SLF1: variants seen among roughly 807,000 people sequenced by gnomAD.
The protein encoded by SLF1 is SMC5-SMC6 complex localization factor protein 1.
Under a neutral mutation model 123.0 loss-of-function variants are expected in SLF1, and 105 were observed. The observed-to-expected ratio is 0.85, with a 90% confidence interval of 0.73 to 1.00. The LOEUF (loss-of-function observed/expected upper bound fraction) is 1.00, where lower values mean the gene tolerates loss of function less well. Ranked by LOEUF, SLF1 falls within the 50% of genes least tolerant of loss-of-function variation. The pLI is 0.00. For synonymous variants in SLF1, 434 were observed against 406.6 expected, an observed-to-expected ratio of 1.07 and a Z score of -0.81; for missense variants, 1,239 against 1,223.0, an observed-to-expected ratio of 1.01 and a Z score of -0.20.
intron 8 of SLF1, among the ~76,000 whole-genome samples, chr5:94,654,406 A>G (rs1748130895): frequency 6.6e-6 from 1 of 151,862 alleles, no homozygotes; most frequent in African/African-American, 2.4e-5. Flanking sequence ...AAAAAAAAAA[A>G]AAAGAAAGTA....
intron 20 of SLF1, among the ~76,000 whole-genome samples, chr5:94,693,035 A>G (rs780790047): frequency 1.8e-4 from 27 of 152,172 alleles, no homozygotes; most frequent in Non-Finnish European, 3.7e-4. Context: ...TGTAGAAATT[A>G]CTTGTCGTTT....
At chr5:94,680,784 C>G (rs1751670916) in intron 15 of SLF1, among the ~76,000 whole-genome samples, 2 of 152,306 alleles carry the variant, frequency 1.3e-5, no homozygotes, top group East Asian at 1.9e-4. Context: ...TTTCCCTTCG[C>G]TTTAAAGCAG....
At chr5:94,653,250 A>G (rs1747966740) in intron 7 of SLF1, 22 bp from the exon 8 acceptor site, 4 of 1,493,776 alleles carry the variant, frequency 2.7e-6, no homozygotes, top group Non-Finnish European at 3.6e-6. Flanking sequence ...TTGAGATTTA[A>G]TTGTGGTCTA....
At chr5:94,627,584 A>G (rs1744603366) in intron 1 of SLF1, among the ~76,000 whole-genome samples, 1 of 105,686 alleles carries the variant, frequency 9.5e-6, no homozygotes, top group African/African-American at 4.3e-5. Context: ...GATGAAATTA[A>G]CATATATATA....
rs1749217491 is a variant in SLF1 at position 94,662,347 on chromosome 5, TAG to T, written c.1208_1209del (p.Glu403GlyfsTer2). On this transcript the variant is annotated frameshift_variant and splice_region_variant, in exon 10 of 21. Coordinates refer to ENST00000265140, the MANE Select transcript of SLF1 (RefSeq NM_032290.4). LOFTEE classifies it high-confidence loss of function. ...ATAGATAAACAACCAGTGTACAACG[TAG>T]AGGTAAGGGGCTTGGAGCAGCATTG... 2 of 1,548,352 alleles carry T rather than the reference TAG, an allele frequency of 1.3e-6. No individual in the cohort carries two copies. The highest frequency in any genetic ancestry group is 1.7e-6 in the Non-Finnish European group (2 of 1,145,326).
At chr5:94,642,332 C>G (rs559721054) in intron 4 of SLF1, among the ~76,000 whole-genome samples, 1 of 152,342 alleles carries the variant, frequency 6.6e-6, no homozygotes, top group Admixed American at 6.5e-5. Flanking sequence ...TGGCAAAGAG[C>G]ATGCTAGCGA....
chr5:94,679,033 C>T (rs548233154), intron 15 of SLF1, 78 bp downstream of exon 15: 4 of 1,498,716 alleles, frequency 2.7e-6, no homozygotes, highest in Non-Finnish European at 3.6e-6. Flanking sequence ...AGTCTGTAAG[C>T]TTTAACATAT....
At chr5:94,669,500 T>C (rs544109311) in intron 12 of SLF1, among the ~76,000 whole-genome samples, 111 of 152,198 alleles carry the variant, frequency 7.3e-4, no homozygotes, top group African/African-American at 2.6e-3. Flanking sequence ...ATTATAGAAG[T>C]GTGCTGTCTG....
rs1468711677 is a variant in SLF1, at chr5:94,695,121, C to A, written c.2986C>A (p.His996Asn). The change falls in exon 21 of 21, where the codon CAT (histidine) becomes AAT (asparagine). Residue 996 changes from histidine to asparagine, a missense_variant. By Grantham distance (68) the His-to-Asn change is moderately conservative (BLOSUM62 1). Transcript: ENST00000265140. ...LNELLMACKS[H>N]KETTSVHTDW... ...TGAACTGCTTATGGCTTGTAAAAGT[C>A]ATAAAGAAACCACCAGTGTTCATAC... The A allele has an allele frequency of 1.9e-6, 3 of 1,612,356 alleles. No individual in the cohort carries two copies. The highest frequency in any genetic ancestry group is 1.1e-5 in the South Asian group (1 of 91,042).
chr5:94,681,622 T>TAGA (rs1185122149), intron 15 of SLF1, among the ~76,000 whole-genome samples: 1 of 152,038 alleles, frequency 6.6e-6, no homozygotes, highest in African/African-American at 2.4e-5. Context: ...GCATTAGGTA[T>TAGA]ATCTCCCAAT....
At chr5:94,686,167 A>T (rs1752412359) in intron 15 of SLF1, among the ~76,000 whole-genome samples, 1 of 152,174 alleles carries the variant, frequency 6.6e-6, no homozygotes, top group South Asian at 2.1e-4. Context: ...CAAATTAAAT[A>T]CTTGTATGTT....
chr5:94,685,188 T>C (rs1386148698), intron 15 of SLF1, among the ~76,000 whole-genome samples: 1 of 152,246 alleles, frequency 6.6e-6, no homozygotes, highest in Non-Finnish European at 1.5e-5. Flanking sequence ...CTGCATTCTC[T>C]TCACGCTGAA....
chr5:94,627,045 A>G (rs982324414), intron 1 of SLF1, among the ~76,000 whole-genome samples: 7 of 152,202 alleles, frequency 4.6e-5, no homozygotes, highest in Non-Finnish European at 1.0e-4. Context: ...CAACCTTTAA[A>G]TAAATGTATA....
At chr5:94,689,737 T>C in intron 18 of SLF1, 131 bp downstream of exon 18, 2 of 720,194 alleles carry the variant, frequency 2.8e-6, no homozygotes, top group Non-Finnish European at 4.4e-6. Context: ...AAGTACCTTC[T>C]TGGATAACGT....
At chr5:94,653,249 A>T in intron 7 of SLF1, 23 bp from the exon 8 acceptor site, 1 of 1,491,254 alleles carries the variant, frequency 6.7e-7, no homozygotes, top group Non-Finnish European at 9.0e-7. Context: ...GTTGAGATTT[A>T]ATTGTGGTCT....
At position 94,670,838 on chromosome 5, in the gene SLF1, A is replaced by G. The variant is rs1417782999; in HGVS notation, c.1662-5A>G. ...AGATATACTTTTTGTTTATATTTTA[A>G]TTAGGTTGTATGACTGGTCAGATTC... is the stretch of plus-strand genomic sequence containing the variant. On this transcript the variant is annotated splice_polypyrimidine_tract_variant and splice_region_variant and intron_variant, in intron 13 of 20. Coordinates refer to ENST00000265140, the MANE Select transcript of SLF1 (RefSeq NM_032290.4). 5 of 1,542,302 alleles carry G rather than the reference A, an allele frequency of 3.2e-6. No homozygotes were observed. The African/African-American group carries it at 5.5e-5, about 17-fold the overall frequency.
chr5:94,637,532 A>C (rs1025490608), intron 4 of SLF1, among the ~76,000 whole-genome samples: 16 of 152,054 alleles, frequency 1.1e-4, no homozygotes, highest in African/African-American at 3.9e-4. Context: ...GTTGTACCCC[A>C]AGATTAAGTA....
chr5:94,658,566 A>C (rs1465109499), intron 9 of SLF1, among the ~76,000 whole-genome samples: 1 of 151,854 alleles, frequency 6.6e-6, no homozygotes, highest in Non-Finnish European at 1.5e-5. Flanking sequence ...ATGTGACTTT[A>C]TGCTTTTTCT....
At chr5:94,646,722 C>G (rs1420179508) in intron 5 of SLF1, among the ~76,000 whole-genome samples, 1 of 152,054 alleles carries the variant, frequency 6.6e-6, no homozygotes, top group Admixed American at 6.6e-5. Context: ...CTTTTTGAGC[C>G]AGATCAACTA....
Sources: allele counts gnomAD v4.1 joint callset (sites outside exome capture counted in the v4.1 genomes callset), GRCh38; gene constraint gnomAD v4.1.1; transcripts MANE v1.5; gene names NCBI Gene and HGNC (gene_info 2026-07-23, HGNC 2026-07-21).